ZDHHC20: variants seen among roughly 807,000 people sequenced by gnomAD.
ZDHHC20 encodes palmitoyltransferase ZDHHC20.
ZDHHC20 carries 43 observed loss-of-function variants against 57.8 expected under a neutral mutation model. That is an observed-to-expected ratio of 0.74 (90% CI 0.58 to 0.96). The LOEUF (loss-of-function observed/expected upper bound fraction) is 0.96, where lower values mean the gene tolerates loss of function less well. Ranked by LOEUF, ZDHHC20 falls within the 40% of genes least tolerant of loss-of-function variation. The probability of loss-of-function intolerance (pLI) is 0.00; values close to 1 mark genes in which losing one functional copy is unlikely to be tolerated. For synonymous variants in ZDHHC20, 157 were observed against 153.0 expected (o/e 1.03, Z -0.19); for missense variants, 391 against 441.1 (o/e 0.89, Z 1.02).
chr13:21,372,995 G>C lies in ZDHHC20; in HGVS notation c.*3701C>G, dbSNP rs1487866873. 1 of 152,020 alleles carries C rather than the reference G, an allele frequency of 6.6e-6. No homozygotes were observed. The highest frequency in any genetic ancestry group is 1.5e-5 in the Non-Finnish European group (1 of 67,980). 9.4% of individuals were successfully genotyped at this position (152,020 alleles called of 1,614,324 possible). On this transcript the variant is annotated 3_prime_UTR_variant, in exon 13 of 13. Transcript: ENST00000400590. ...TCATTAGAAAAATATGAACCTTTCT[G>C]AATCTATATTACATTTTTAATTTAA...
At position 21,420,494 on chromosome 13, in the gene ZDHHC20, A is replaced by G. The variant is rs558414586; in HGVS notation, c.249+567T>C. 2.0e-5 allele frequency among the ~76,000 whole-genome samples: 3 copies of G among 152,354 alleles called. No homozygotes were observed. In the South Asian group the frequency reaches 6.2e-4, roughly 32 times the overall value. On this transcript the variant is annotated intron_variant, in intron 3 of 12. Transcript: ENST00000400590. ...ATATATTCTTAACCACCTTGCTATA[A>G]GAAATTTTCGGTGAAGGAAGAATTC...
chr13:21,431,625 C>T (rs1881970440), intron 1 of ZDHHC20, among the ~76,000 whole-genome samples: 1 of 152,236 alleles, frequency 6.6e-6, no homozygotes, highest in Admixed American at 6.5e-5. Flanking sequence ...GTTATAGTTG[C>T]TCCACATCCT....
intron 1 of ZDHHC20, among the ~76,000 whole-genome samples, chr13:21,455,778 T>C (rs1385858426): frequency 1.3e-5 from 2 of 152,148 alleles, no homozygotes; most frequent in African/African-American, 4.8e-5. Context: ...GGTATTTTTA[T>C]TGTCTGAGAT....
chr13:21,421,043 T>C lies in ZDHHC20; in HGVS notation c.249+18A>G, dbSNP rs1880588138. 1 of 1,595,396 alleles carries C rather than the reference T, an allele frequency of 6.3e-7. No individual in the cohort carries two copies. Among genetic ancestry groups the C allele is most frequent in the Non-Finnish European group, 8.6e-7 (1 of 1,165,246 alleles). ...TAATCAGTTAAAACATTTGGTAATT[T>C]ACCAACATTAAATTTACCTCTTTGG... On this transcript the variant is annotated intron_variant, in intron 3 of 12. Transcript: ENST00000400590.
intron 1 of ZDHHC20, among the ~76,000 whole-genome samples, chr13:21,435,822 G>A (rs1236430241): frequency 6.6e-6 from 1 of 152,206 alleles, no homozygotes; most frequent in Non-Finnish European, 1.5e-5. Context: ...AATGACTCAG[G>A]TTGGGTTCTC....
At position 21,459,049 on chromosome 13, in the gene ZDHHC20, C is replaced by G; in HGVS notation, c.118+5G>C. The G allele has an allele frequency of 6.3e-7, 1 of 1,590,530 alleles. No individual in the cohort carries two copies. The highest frequency in any genetic ancestry group is 1.7e-4 in the Middle Eastern group (1 of 5,994). ...CCCGCCGCAGTCCCCGGGGACGGTACTCACACACGCAGAGCTCCACCACGT... is the reference window on the plus strand; with the variant it reads ...CCCGCCGCAGTCCCCGGGGACGGTAGTCACACACGCAGAGCTCCACCACGT... On this transcript the variant is annotated splice_donor_5th_base_variant and intron_variant, in intron 1 of 12. Transcript: ENST00000400590.
At chr13:21,433,589 C>G (rs528540012) in intron 1 of ZDHHC20, among the ~76,000 whole-genome samples, 1 of 149,452 alleles carries the variant, frequency 6.7e-6, no homozygotes, top group South Asian at 2.2e-4. Flanking sequence ...TGCACTCCAG[C>G]CTGGGTGACA....
At chr13:21,444,128 C>A (rs773314788) in intron 1 of ZDHHC20, among the ~76,000 whole-genome samples, 1 of 152,128 alleles carries the variant, frequency 6.6e-6, no homozygotes, top group Non-Finnish European at 1.5e-5. Flanking sequence ...TGCACTCTAC[C>A]CTGGGCAACA....
At chr13:21,401,183 G>A (rs1237088810) in intron 6 of ZDHHC20, among the ~76,000 whole-genome samples, 1 of 152,030 alleles carries the variant, frequency 6.6e-6, no homozygotes, top group East Asian at 2.0e-4. Context: ...AGAGACTGAG[G>A]TGGAAGAATC....
chr13:21,445,379 T>C (rs1243140412), intron 1 of ZDHHC20, among the ~76,000 whole-genome samples: 2 of 152,188 alleles, frequency 1.3e-5, no homozygotes, highest in Non-Finnish European at 2.9e-5. Context: ...ATAATGCTAA[T>C]AATCTCTCTC....
intron 11 of ZDHHC20, among the ~76,000 whole-genome samples, chr13:21,379,487 G>A (rs189304921): frequency 6.6e-6 from 1 of 152,106 alleles, no homozygotes; most frequent in Non-Finnish European, 1.5e-5. Context: ...AGGCTATATG[G>A]CCCAGGCTGG....
chr13:21,433,250 A>G (rs1038286852), intron 1 of ZDHHC20, among the ~76,000 whole-genome samples: 6 of 152,070 alleles, frequency 3.9e-5, no homozygotes, highest in Non-Finnish European at 8.8e-5. Context: ...CCTCCTGAGT[A>G]GCTAGACAGC....
intron 1 of ZDHHC20, among the ~76,000 whole-genome samples, chr13:21,447,323 C>T (rs375414673): frequency 6.6e-6 from 1 of 150,458 alleles, no homozygotes; most frequent in Non-Finnish European, 1.5e-5. Flanking sequence ...CCTCTCCCCA[C>T]GGTCTCCCTC....
At position 21,377,015 on chromosome 13, in the gene ZDHHC20, T is replaced by G. The variant is rs567007937; in HGVS notation, c.*41-360A>C. 1.2e-3 allele frequency: 207 copies of G among 167,474 alleles called. 2 individuals are homozygous for G. In the South Asian group the frequency reaches 0.033, roughly 27 times the overall value. 10.4% of individuals were successfully genotyped at this position (167,474 alleles called of 1,614,324 possible). A position where few individuals can be genotyped will look rare whatever the true frequency, so the allele number is the denominator to read the frequency against. ...CTGTTAAAGGAACTGCAGCTGAGGA[T>G]TCTCAACCACCACAAGCATCAGCAA... On this transcript the variant is annotated intron_variant, in intron 12 of 12. Coordinates refer to ENST00000400590, the MANE Select transcript of ZDHHC20 (RefSeq NM_001330059.2).
At chr13:21,448,983 G>C in intron 1 of ZDHHC20, among the ~76,000 whole-genome samples, 1 of 114,214 alleles carries the variant, frequency 8.8e-6, no homozygotes, top group Non-Finnish European at 2.0e-5. Flanking sequence ...TAAGGGCGGT[G>C]CAAGATGTGC....
chr13:21,399,252 G>C (rs1447026101), intron 7 of ZDHHC20, among the ~76,000 whole-genome samples: 1 of 152,054 alleles, frequency 6.6e-6, no homozygotes, highest in Non-Finnish European at 1.5e-5. Context: ...GGCTGAGGCA[G>C]GAGAATCGCT....
intron 10 of ZDHHC20, 142 bp downstream of exon 10, chr13:21,382,778 T>G: frequency 1.6e-6 from 1 of 622,650 alleles, no homozygotes; most frequent in Admixed American, 3.3e-5. Context: ...TAAACCTCAG[T>G]TAAAAAAATT....
intron 1 of ZDHHC20, among the ~76,000 whole-genome samples, chr13:21,426,688 C>T (rs1326853171): frequency 1.3e-5 from 2 of 150,924 alleles, no homozygotes; most frequent in African/African-American, 4.9e-5. Flanking sequence ...TCACTGCAAC[C>T]TCCACCTCCC....
At chr13:21,410,710 C>T (rs1009304143) in intron 4 of ZDHHC20, among the ~76,000 whole-genome samples, 21 of 152,164 alleles carry the variant, frequency 1.4e-4, no homozygotes, top group African/African-American at 5.1e-4. Context: ...AGCCCCTCCC[C>T]CCACCAAGCT....
Sources: gnomAD v4.1 joint callset for allele counts (sites outside exome capture counted in the v4.1 genomes callset) on GRCh38, gnomAD v4.1.1 for gene constraint, MANE v1.5 for transcripts, NCBI Gene and HGNC (gene_info 2026-07-23, HGNC 2026-07-21) for gene names.